The following NDUFB3 variants were observed in gnomAD, a reference collection of about 807,000 sequenced individuals.
NDUFB3 encodes NADH dehydrogenase [ubiquinone] 1 beta subcomplex subunit 3.
In NDUFB3, 7 loss-of-function variants were observed where a neutral mutation model predicts 9.0. The ratio of observed to expected loss-of-function variants is 0.78; its 90% CI spans 0.44 to 1.46. The LOEUF is 1.46. Among genes scored for constraint, NDUFB3 ranks in the 40% most tolerant of loss-of-function variants. NDUFB3 has a pLI of 0.01. For missense variants in NDUFB3, 93 were observed against 115.4 expected (o/e 0.81, Z 0.89); for synonymous variants, 29 against 38.5 (o/e 0.75, Z 0.91).
chr2:201,073,987 C>G (rs921316437), intron 1 of NDUFB3, among the ~76,000 whole-genome samples: 2 of 152,064 alleles, frequency 1.3e-5, no homozygotes, highest in South Asian at 2.1e-4. Flanking sequence ...GAGTCTCGCT[C>G]TGTCGCCCAG....
chr2:201,085,543 T>G lies in NDUFB3; in HGVS notation c.225T>G (p.Phe75Leu). 3.7e-6 allele frequency: 6 copies of G among 1,612,776 alleles called. No homozygotes were observed. The East Asian group carries it at 1.3e-4, about 36-fold the overall frequency. ...DVFFKGFKWG[F>L]AAFVVAVGAE... ...TCTTTAAAGGATTCAAATGGGGATT[T>G]GCTGCATTTGTGGTAGCTGTAGGAG... Residue 75 changes from phenylalanine (F) to leucine (L), a missense_variant, in exon 3 of 3, where the codon TTT becomes TTG. Coordinates refer to ENST00000237889, the MANE Select transcript of NDUFB3 (RefSeq NM_002491.3).
At chr2:201,083,699 A>G (rs1343413150) in intron 2 of NDUFB3, among the ~76,000 whole-genome samples, 2 of 152,108 alleles carry the variant, frequency 1.3e-5, no homozygotes, top group Non-Finnish European at 2.9e-5. Flanking sequence ...TTCTGCATCT[A>G]TTGAGATGTT....
intron 2 of NDUFB3, among the ~76,000 whole-genome samples, chr2:201,080,699 C>CTTTTTT (rs58130221): frequency 5.0e-5 from 5 of 99,010 alleles, no homozygotes; most frequent in Non-Finnish European, 9.4e-5. Context: ...AGATCTCCAA[C>CTTTTTT]TTTTTTTTTT....
chr2:201,074,387 A>G (rs2047136058), intron 1 of NDUFB3, among the ~76,000 whole-genome samples: 1 of 151,880 alleles, frequency 6.6e-6, no homozygotes, highest in African/African-American at 2.4e-5. Flanking sequence ...ACCATATTGG[A>G]CAGTGTCTAT....
At chr2:201,075,195 A>G (rs1033643510) in intron 1 of NDUFB3, among the ~76,000 whole-genome samples, 2 of 151,086 alleles carry the variant, frequency 1.3e-5, no homozygotes, top group Non-Finnish European at 2.9e-5. Flanking sequence ...AAAAAAAAAA[A>G]GAAAAAGAAA....
At chr2:201,084,677 G>T (rs576999418) in intron 2 of NDUFB3, among the ~76,000 whole-genome samples, 1 of 152,248 alleles carries the variant, frequency 6.6e-6, no homozygotes, top group East Asian at 1.9e-4. Context: ...TGTTCATGAG[G>T]GATAGTATTC....
Position 201,085,627 on chromosome 2 carries a change from G to C in NDUFB3, c.*12G>C. 1 of 1,604,846 alleles carries C rather than the reference G, an allele frequency of 6.2e-7. No homozygotes were observed. Among genetic ancestry groups the C allele is most frequent in the Non-Finnish European group, 8.5e-7 (1 of 1,175,896 alleles). On this transcript the variant is annotated 3_prime_UTR_variant, in exon 3 of 3. Transcript: ENST00000237889. ...AGAAGCATCACTGAAGATAATACCTGGAAGCATCATAGTGGTTTCTTAACT... is the reference window on the plus strand; with the variant it reads ...AGAAGCATCACTGAAGATAATACCTCGAAGCATCATAGTGGTTTCTTAACT...
chr2:201,077,026 G>A (rs1252850785), intron 1 of NDUFB3, among the ~76,000 whole-genome samples: 1 of 152,048 alleles, frequency 6.6e-6, no homozygotes, highest in African/African-American at 2.4e-5. Flanking sequence ...CTTGAACCCA[G>A]GAGGCGGAGG....
chr2:201,081,223 C>A (rs1431682093), intron 2 of NDUFB3, among the ~76,000 whole-genome samples: 1 of 151,936 alleles, frequency 6.6e-6, no homozygotes, highest in African/African-American at 2.4e-5. Flanking sequence ...GTGGCTCACA[C>A]CTGTAATTCC....
chr2:201,073,917 AT>A (rs1358234445), intron 1 of NDUFB3, among the ~76,000 whole-genome samples: 1 of 152,176 alleles, frequency 6.6e-6, no homozygotes, highest in Non-Finnish European at 1.5e-5. Flanking sequence ...AGATTCATAT[AT>A]CCAAATTGTT....
chr2:201,078,238 C>T (rs2047186475), intron 1 of NDUFB3, among the ~76,000 whole-genome samples: 1 of 152,056 alleles, frequency 6.6e-6, no homozygotes, highest in Admixed American at 6.6e-5. Flanking sequence ...GGAGGCGGAG[C>T]TTGCAGTGAG....
intron 1 of NDUFB3, among the ~76,000 whole-genome samples, chr2:201,076,376 GCA>G (rs952393761): frequency 1.1e-4 from 17 of 151,366 alleles, no homozygotes; most frequent in African/African-American, 3.9e-4. Flanking sequence ...CAGGCGTTGT[GCA>G]CACTCCAGTC....
intron 1 of NDUFB3, among the ~76,000 whole-genome samples, chr2:201,077,808 T>C (rs2047180835): frequency 6.6e-6 from 1 of 152,244 alleles, no homozygotes; most frequent in Non-Finnish European, 1.5e-5. Flanking sequence ...GCCTCAATTT[T>C]ACCTCTTTTA....
Position 201,078,361 on chromosome 2 carries a change from A to G in NDUFB3, c.-2-520A>G. ...TTCTAAAACCAAACTGCAAGGTTCT[A>G]ATCCCAGCTGTACCATTACTATTTT... On this transcript the variant is annotated intron_variant, in intron 1 of 2. Transcript: ENST00000237889. 1.3e-5 allele frequency among the ~76,000 whole-genome samples: 2 copies of G among 152,194 alleles called. 1 individual carries two copies. The highest frequency in any genetic ancestry group is 2.9e-5 in the Non-Finnish European group (2 of 68,038).
At chr2:201,082,859 G>A (rs891529545) in intron 2 of NDUFB3, among the ~76,000 whole-genome samples, 4 of 150,724 alleles carry the variant, frequency 2.7e-5, no homozygotes, top group Non-Finnish European at 4.4e-5. Flanking sequence ...GACTACAGGC[G>A]CCCGCCACCG....
intron 1 of NDUFB3, among the ~76,000 whole-genome samples, chr2:201,074,457 T>TTC (rs2047137412): frequency 6.8e-6 from 1 of 146,694 alleles, no homozygotes; most frequent in African/African-American, 2.5e-5. Context: ...TGTTCAGCTT[T>TTC]TTTTTTTTTT....
At chr2:201,081,604 G>A (rs939134741) in intron 2 of NDUFB3, among the ~76,000 whole-genome samples, 16 of 151,214 alleles carry the variant, frequency 1.1e-4, no homozygotes, top group Admixed American at 3.3e-4. Context: ...TACAGGTCTT[G>A]CACATATTTT....
intron 1 of NDUFB3, among the ~76,000 whole-genome samples, chr2:201,074,766 TTTC>T (rs962130132): frequency 2.0e-4 from 30 of 152,294 alleles, no homozygotes; most frequent in African/African-American, 6.7e-4. Context: ...ATGTTCAGCC[TTTC>T]TAGGTCTTGC....
chr2:201,080,853 G>A (rs2047214549), intron 2 of NDUFB3, among the ~76,000 whole-genome samples: 1 of 151,560 alleles, frequency 6.6e-6, no homozygotes, highest in South Asian at 2.1e-4. Context: ...ACAGGTGCCT[G>A]CCACCATGCC....
Sources: gnomAD v4.1 joint callset for allele counts (sites outside exome capture counted in the v4.1 genomes callset) on GRCh38, gnomAD v4.1.1 for gene constraint, MANE v1.5 for transcripts, NCBI Gene and HGNC (gene_info 2026-07-23, HGNC 2026-07-21) for gene names.